Variants in POLL observed in about 807,000 individuals in gnomAD.
POLL encodes DNA polymerase beta-2.
POLL carries 44 observed loss-of-function variants against 58.1 expected under a neutral mutation model. That is an observed-to-expected ratio of 0.76 (90% CI 0.60 to 0.97). The LOEUF (loss-of-function observed/expected upper bound fraction) is 0.97. Among genes scored for constraint, POLL ranks in the 50% least tolerant of loss-of-function variants. The probability of loss-of-function intolerance (pLI) is 0.00; values close to 1 mark genes in which losing one functional copy is unlikely to be tolerated. For synonymous variants in POLL, 290 were observed against 283.2 expected, an observed-to-expected ratio of 1.02 and a Z score of -0.24; for missense variants, 632 against 736.8, an observed-to-expected ratio of 0.86 and a Z score of 1.65.
chr10:101,584,708 A>T lies in POLL; in HGVS notation c.785T>A (p.Val262Asp). The T allele has an allele frequency of 6.2e-7, 1 of 1,614,096 alleles. No individual in the cohort carries two copies. Among genetic ancestry groups the T allele is most frequent in the East Asian group, 2.2e-5 (1 of 44,878 alleles). The change falls in exon 5 of 9, where the codon GTT becomes GAT. Residue 262 changes from valine to aspartate, a missense_variant. Transcript: ENST00000370162. ...CTGAACACTGTAGGCTTTGGCCAGA[A>T]CTTCCAGCTTCTCTGTGATATGGAG... is the stretch of plus-strand genomic sequence containing the variant. ...HNLHITEKLE[V>D]LAKAYSVQGD...
Position 101,585,435 on chromosome 10 carries a change from A to G in POLL, c.454T>C (p.Ser152Pro), listed in dbSNP as rs1370804316. The G allele has an allele frequency of 1.9e-6, 3 of 1,599,286 alleles. No individual in the cohort carries two copies. The highest frequency in any genetic ancestry group is 4.5e-5 in the East Asian group (2 of 44,590). ...GCCTCATGGGTGCCAGGAGGAATAG[A>G]AGCATCCTGCTCTGCCTTGCTGGGC... Reference protein sequence around the residue: ...PQPSKAEQDASIPPGTHEALL... With the variant: ...PQPSKAEQDAPIPPGTHEALL... The change falls in exon 4 of 9, where the codon TCT becomes CCT. Residue 152 changes from serine to proline, a missense_variant. Physicochemically the swap from Ser to Pro is moderately conservative, Grantham distance 74 (BLOSUM62 -1). Coordinates refer to ENST00000370162, the MANE Select transcript of POLL (RefSeq NM_001174084.2).
In POLL at chr10:101,584,847, T is replaced by A; in HGVS notation, c.646A>T (p.Ser216Cys). ...TCAAGGGAGGTGGGGTAGTGGCCAC[T>A]GATGAGGGCTTCCAGATCAGCTGCA... ...VSAADLEALI[S>C]GHYPTSLEGD... The change falls in exon 5 of 9, where the codon AGT becomes TGT. Residue 216 changes from serine to cysteine, a missense_variant. Ser to Cys is a moderately radical substitution (Grantham distance 112). Coordinates refer to ENST00000370162, the MANE Select transcript of POLL (RefSeq NM_001174084.2). 1 of 1,502,434 alleles carries A rather than the reference T, an allele frequency of 6.7e-7. No homozygotes were observed. Among genetic ancestry groups the A allele is most frequent in the Non-Finnish European group, 8.9e-7 (1 of 1,121,152 alleles). The allele number at this position is 1,502,434 out of a possible 1,614,324, so 93.1% of individuals were successfully genotyped here. A position where few individuals can be genotyped will look rare whatever the true frequency, so the allele number is the denominator to read the frequency against.
rs868195736 is a variant in POLL at position 101,580,680 on chromosome 10, C to T, written c.1195-264G>A. The stretch of plus-strand genomic sequence containing the variant: ...CCGGCTCTGCTTCTGAGAGTGGGCA[C>T]TGAGCTTGCCCTGTGGAGCTCTTTA... On this transcript the variant is annotated intron_variant, in intron 7 of 8. Transcript: ENST00000370162. This position sits in a 1 kb window ranked among gnomAD's most constrained non-coding sequence, Gnocchi z 4.1. 6.9e-6 allele frequency: 3 copies of T among 433,040 alleles called. No homozygotes were observed. The highest frequency in any genetic ancestry group is 6.1e-5 in the African/African-American group (3 of 49,462). The allele number at this position is 433,040 out of a possible 1,614,324, so 26.8% of individuals were successfully genotyped here. A position where few individuals can be genotyped will look rare whatever the true frequency, so the allele number is the denominator to read the frequency against.
intron 3 of POLL, 68 bp downstream of exon 3, chr10:101,585,794 A>C (rs1000599171): frequency 1.5e-6 from 2 of 1,324,396 alleles, no homozygotes; most frequent in Non-Finnish European, 2.0e-6. Flanking sequence ...AGTTATTTTT[A>C]ATAATTCAAG....
In POLL at chr10:101,587,252, C is replaced by T; in HGVS notation, c.109G>A (p.Ala37Thr). The T allele has an allele frequency of 6.3e-7, 1 of 1,597,110 alleles. No individual in the cohort carries two copies. Among genetic ancestry groups the T allele is most frequent in the Non-Finnish European group, 8.6e-7 (1 of 1,164,564 alleles). ...KIPRREEGEE[A>T]EEWLSSLRAH... ...TGAGACTGGGTCAGCTCACCTTCTG[C>T]TTCTTCTCCCTCTTCCCTCCTAGGA... The change falls in exon 2 of 9, where the codon GCA becomes ACA. Residue 37 changes from alanine to threonine, a missense_variant. Ala to Thr is a moderately conservative substitution (Grantham distance 58). Coordinates refer to ENST00000370162, the MANE Select transcript of POLL (RefSeq NM_001174084.2).
At position 101,585,995 on chromosome 10, in the gene POLL, G is replaced by T. The variant is rs775523053; in HGVS notation, c.277C>A (p.Arg93=). 6.2e-7 allele frequency: 1 copy of T among 1,614,082 alleles called. No individual in the cohort carries two copies. The highest frequency in any genetic ancestry group is 1.7e-5 in the Admixed American group (1 of 60,010). The change falls in exon 3 of 9, where the codon CGA becomes AGA. Residue 93 remains arginine (R), a synonymous_variant. Transcript: ENST00000370162. ...IVVDEGMDYE[R]ALRLLRLPQL... ...GGTAGTCTGAGAAGGCGGAGGGCTC[G>T]CTCATAGTCCATGCCTTCATCCACC...
chr10:101,582,779 G>A lies in POLL; in HGVS notation c.1178C>T (p.Thr393Ile), dbSNP rs1396993162. The A allele has an allele frequency of 1.2e-6, 2 of 1,614,144 alleles. No individual in the cohort carries two copies. Among genetic ancestry groups the A allele is most frequent in the South Asian group, 1.1e-5 (1 of 91,086 alleles). ...FLERMPREEA[T>I]EIEQTVQKAA... ...CCTGCTTACTGTCTGCTCAATCTCT[G>A]TAGCCTCCTCCCTGGGCATACGTTC... Residue 393 changes from threonine (T) to isoleucine (I), a missense_variant, in exon 7 of 9, where the codon ACA becomes ATA. Transcript: ENST00000370162.
In POLL at chr10:101,584,828, G is replaced by A. The variant is rs1342359391; in HGVS notation, c.665C>T (p.Ser222Phe). The stretch of plus-strand genomic sequence containing the variant: ...GCTAGGCTCACAATCTCCCTCAAGG[G>A]AGGTGGGGTAGTGGCCACTGATGAG... ...EALISGHYPT[S>F]LEGDCEPSPA... The change falls in exon 5 of 9, where the codon TCC becomes TTC. Residue 222 changes from serine (S) to phenylalanine (F), a missense_variant. Ser to Phe is a radical substitution (Grantham distance 155). Coordinates refer to ENST00000370162, the MANE Select transcript of POLL (RefSeq NM_001174084.2). 1.3e-6 allele frequency: 2 copies of A among 1,560,588 alleles called. No individual in the cohort carries two copies. The highest frequency in any genetic ancestry group is 1.7e-6 in the Non-Finnish European group (2 of 1,150,338).
chr10:101,585,349 T>C lies in POLL; in HGVS notation c.540A>G (p.Gln180=), dbSNP rs778060628. Reference sequence around the variant, plus strand: ...GGGTGTTTGGTGCCTCTTTTGCCTTTTGGGGAGGAGACACAGGCCTGGTGG... The same window carrying C: ...GGGTGTTTGGTGCCTCTTTTGCCTTCTGGGGAGGAGACACAGGCCTGGTGG... ...PPPTRPVSPP[Q]KAKEAPNTQA... Residue 180 remains glutamine (Q), a synonymous_variant, in exon 4 of 9, where the codon CAA becomes CAG. Coordinates refer to ENST00000370162, the MANE Select transcript of POLL (RefSeq NM_001174084.2). The C allele has an allele frequency of 4.4e-6, 7 of 1,591,364 alleles. No individual in the cohort carries two copies. The highest frequency in any genetic ancestry group is 3.5e-5 in the Admixed American group (2 of 56,574).
In POLL at chr10:101,587,964, T is replaced by G; in HGVS notation, c.-189A>C. 1 of 1,273,860 alleles carries G rather than the reference T, an allele frequency of 7.9e-7. No homozygotes were observed. The highest frequency in any genetic ancestry group is 1.0e-6 in the Non-Finnish European group (1 of 982,446). The allele number at this position is 1,273,860 out of a possible 1,614,324, so 78.9% of individuals were successfully genotyped here. ...AGATGGGGCACGGCCGCAGCAGGTG[T>G]GGGGAGCCCTCCGGGAATGGAGGAG... is the stretch of plus-strand genomic sequence containing the variant. On this transcript the variant is annotated 5_prime_UTR_variant, in exon 1 of 9. Transcript: ENST00000370162.
chr10:101,583,335 G>A, intron 6 of POLL, 173 bp downstream of exon 6: 1 of 638,856 alleles, frequency 1.6e-6, no homozygotes, highest in Non-Finnish European at 2.7e-6. Flanking sequence ...GGCTGTTCTG[G>A]GAGCTGAGGG....
chr10:101,584,854 G>C lies in POLL; in HGVS notation c.639C>G (p.Ala213=). ...ETQVSAADLE[A]LISGHYPTSL... is the part of the protein sequence containing the mutation. Reference sequence around the variant, plus strand: ...AGGTGGGGTAGTGGCCACTGATGAGGGCTTCCAGATCAGCTGCACTAACCT... The same window carrying C: ...AGGTGGGGTAGTGGCCACTGATGAGCGCTTCCAGATCAGCTGCACTAACCT... The change falls in exon 5 of 9, where the codon GCC becomes GCG. Residue 213 remains alanine, a synonymous_variant. Coordinates refer to ENST00000370162, the MANE Select transcript of POLL (RefSeq NM_001174084.2). 2 of 1,491,232 alleles carry C rather than the reference G, an allele frequency of 1.3e-6. No individual in the cohort carries two copies. The allele number at this position is 1,491,232 out of a possible 1,614,324, so 92.4% of individuals were successfully genotyped here.
Position 101,580,570 on chromosome 10 carries a change from TG to T in POLL, c.1195-155del. 1.6e-6 allele frequency: 1 copy of T among 637,124 alleles called. No individual in the cohort carries two copies. The highest frequency in any genetic ancestry group is 1.9e-5 in the South Asian group (1 of 51,980). 39.5% of individuals were successfully genotyped at this position (637,124 alleles called of 1,614,324 possible). ...CCCAGGGGAATCCACCCTGAGGAGCTGCTGTTCTTTCCCTTCGCTAGGACAG... is the reference window on the plus strand; with the variant it reads ...CCCAGGGGAATCCACCCTGAGGAGCTCTGTTCTTTCCCTTCGCTAGGACAG... On this transcript the variant is annotated intron_variant, in intron 7 of 8. Transcript: ENST00000370162. This position sits in a 1 kb window ranked among gnomAD's most constrained non-coding sequence, Gnocchi z 4.1.
At chr10:101,583,909 G>T (rs1255315193) in intron 5 of POLL, among the ~76,000 whole-genome samples, 1 of 152,188 alleles carries the variant, frequency 6.6e-6, no homozygotes, top group Admixed American at 6.5e-5. Flanking sequence ...GAGACCAGCA[G>T]TAAGAAGTAG....
At position 101,583,516 on chromosome 10, in the gene POLL, A is replaced by T; in HGVS notation, c.1057T>A (p.Tyr353Asn). 1 of 1,612,822 alleles carries T rather than the reference A, an allele frequency of 6.2e-7. No individual in the cohort carries two copies. The highest frequency in any genetic ancestry group is 8.5e-7 in the Non-Finnish European group (1 of 1,180,014). Residue 353 changes from tyrosine to asparagine, a missense_variant, in exon 6 of 9, where the codon TAC (tyrosine) becomes AAC (asparagine). Transcript: ENST00000370162. ...GAGTKTAQMW[Y>N]QQGFRSLEDI... ...CTGAGCCAGGGTGTGACCTGTTGGT[A>T]CCACATCTGGGCAGTCTTGGTCCCA...
chr10:101,580,494 G>T lies in POLL; in HGVS notation c.1195-78C>A. The stretch of plus-strand genomic sequence containing the variant: ...CCACAGCAGTACAAGGGCCTTCCCA[G>T]ACTCGGGCCCACACCCTCAGCTTAT... On this transcript the variant is annotated intron_variant, in intron 7 of 8. Coordinates refer to ENST00000370162, the MANE Select transcript of POLL (RefSeq NM_001174084.2). This position sits in a 1 kb window ranked among gnomAD's most constrained non-coding sequence, Gnocchi z 4.1. The T allele has an allele frequency of 7.5e-7, 1 of 1,339,238 alleles. No individual in the cohort carries two copies. The highest frequency in any genetic ancestry group is 1.0e-6 in the Non-Finnish European group (1 of 956,236). 83.0% of individuals were successfully genotyped at this position (1,339,238 alleles called of 1,614,324 possible).
rs760155883 is a variant in POLL at position 101,585,308 on chromosome 10, C to CCT, written c.573+7_573+8insAG. ...GAAGGGAGTTCTGAGGGATGGGAGG[C>CCT]TCCTGACCTGGGCTTGGGTGTTTGG... On this transcript the variant is annotated splice_region_variant and intron_variant, in intron 4 of 8. Transcript: ENST00000370162. 3.4e-5 allele frequency: 52 copies of CCT among 1,537,900 alleles called. No homozygotes were observed. Among genetic ancestry groups the CCT allele is most frequent in the Non-Finnish European group, 4.5e-5 (51 of 1,143,054 alleles).
At chr10:101,587,653 A>T (rs906504884) in intron 1 of POLL, 169 bp downstream of exon 1, 201 of 957,440 alleles carry the variant, frequency 2.1e-4, no homozygotes, top group Middle Eastern at 1.2e-3. Flanking sequence ...AGGAGTAGGA[A>T]ACGACACCAT....
At chr10:101,584,959 C>T in intron 4 of POLL, 40 bp from the exon 5 acceptor site, 2 of 1,287,630 alleles carry the variant, frequency 1.6e-6, no homozygotes, top group Non-Finnish European at 2.0e-6. Context: ...AATTCTTGTT[C>T]TCCAAGAGAA....
Sources: gnomAD v4.1 joint callset for allele counts (sites outside exome capture counted in the v4.1 genomes callset) on GRCh38, gnomAD v4.1.1 for gene constraint, Gnocchi (gnomAD v3.1) non-coding constraint, MANE v1.5 for transcripts, NCBI Gene and HGNC (gene_info 2026-07-23, HGNC 2026-07-21) for gene names.